SHROOM3: variants seen among roughly 807,000 people sequenced by gnomAD.
SHROOM3 encodes shroom family member 3.
A neutral mutation model predicts 138.6 loss-of-function variants in SHROOM3; 47 were observed. The observed-to-expected ratio is 0.34, with a 90% confidence interval of 0.27 to 0.43. The LOEUF (loss-of-function observed/expected upper bound fraction) is 0.43. SHROOM3 is among the 20% of genes least tolerant of loss of function. The probability of loss-of-function intolerance (pLI) is 1.00; values close to 1 mark genes in which losing one functional copy is unlikely to be tolerated. For missense variants in SHROOM3, 2,491 were observed against 2,596.5 expected (o/e 0.96, Z 0.88); for synonymous variants, 1,062 against 1,063.3 (o/e 1.00, Z 0.02).
At chr4:76,622,068 C>T (rs1428122958) in intron 2 of SHROOM3, among the ~76,000 whole-genome samples, 1 of 151,978 alleles carries the variant, frequency 6.6e-6, no homozygotes, top group Admixed American at 6.5e-5. Flanking sequence ...TTACCTCAGG[C>T]GATCCACCCA....
At chr4:76,565,520 T>TCTTA in intron 2 of SHROOM3, among the ~76,000 whole-genome samples, 1 of 152,334 alleles carries the variant, frequency 6.6e-6, no homozygotes, top group South Asian at 2.1e-4. Context: ...TGAGACAAGA[T>TCTTA]CTTACTCTGT....
At chr4:76,689,383 C>CCGAGCCAGCGCCGAGCCA (rs1560591900) in intron 2 of SHROOM3, among the ~76,000 whole-genome samples, 1 of 150,680 alleles carries the variant, frequency 6.6e-6, no homozygotes, top group African/African-American at 2.4e-5. Context: ...CGAGCCAGCG[C>CCGAGCCAGCGCCGAGCCA]GGCCCCTCGG....
chr4:76,527,989 A>G (rs1732735359), intron 1 of SHROOM3, among the ~76,000 whole-genome samples: 2 of 152,310 alleles, frequency 1.3e-5, no homozygotes, highest in East Asian at 1.9e-4. Flanking sequence ...CAACAACTGC[A>G]ATGCCTACTA....
At position 76,770,706 on chromosome 4, in the gene SHROOM3, C is replaced by T; in HGVS notation, c.5430C>T (p.Leu1810=). Residue 1810 remains leucine (L), a synonymous_variant, in exon 10 of 11, where the codon CTC becomes CTT. Transcript: ENST00000296043. The stretch of plus-strand genomic sequence containing the variant: ...GGAGCCTGCTCACGGACATCAAGCT[C>T]AACAACGCCCTGGGAGAAGAGGTGG... ...AKGSLLTDIK[L]NNALGEEVEA... 1 of 1,614,174 alleles carries T rather than the reference C, an allele frequency of 6.2e-7. No individual in the cohort carries two copies. The highest frequency in any genetic ancestry group is 8.5e-7 in the Non-Finnish European group (1 of 1,180,036).
chr4:76,473,633 C>T lies in SHROOM3; in HGVS notation c.168+37413C>T, dbSNP rs541452966. Among the ~76,000 whole-genome samples, 55 of 152,094 alleles carry T rather than the reference C, an allele frequency of 3.6e-4. 2 individuals carry two copies. In the South Asian group the frequency reaches 8.9e-3, roughly 25 times the overall value. ...CAAAAAAAGAAAAAAAAGAAGACAACCCCATTTTAAAATGGGCAAGAGGTT... is the reference window on the plus strand; with the variant it reads ...CAAAAAAAGAAAAAAAAGAAGACAATCCCATTTTAAAATGGGCAAGAGGTT... On this transcript the variant is annotated intron_variant, in intron 1 of 10. Coordinates refer to ENST00000296043, the MANE Select transcript of SHROOM3 (RefSeq NM_020859.4).
chr4:76,593,957 G>C (rs1245305915), intron 2 of SHROOM3, among the ~76,000 whole-genome samples: 1 of 152,210 alleles, frequency 6.6e-6, no homozygotes, highest in Non-Finnish European at 1.5e-5. Flanking sequence ...GTTATGATCA[G>C]TGGGCAGAGT....
At position 76,756,649 on chromosome 4, in the gene SHROOM3, C is replaced by T; in HGVS notation, c.4910C>T (p.Thr1637Ile). Residue 1637 changes from threonine to isoleucine, a missense_variant, in exon 8 of 11, where the codon ACT becomes ATT. This residue lies in a region of SHROOM3 where 470 missense variants were observed against 595.0 expected (regional missense o/e 0.79). Coordinates refer to ENST00000296043, the MANE Select transcript of SHROOM3 (RefSeq NM_020859.4). ...GGTGGGCAGCCAGCACCCATCCAGA[C>T]TCAAAGCCTCAGCCATGATCCAGTC... ...SLGGQPAPIQTQSLSHDPVSG... is the reference protein window; with the variant it reads ...SLGGQPAPIQIQSLSHDPVSG... 1.9e-6 allele frequency: 3 copies of T among 1,614,012 alleles called. No homozygotes were observed. The highest frequency in any genetic ancestry group is 2.5e-6 in the Non-Finnish European group (3 of 1,180,000).
chr4:76,453,602 G>T (rs1730971225), intron 1 of SHROOM3, among the ~76,000 whole-genome samples: 1 of 152,092 alleles, frequency 6.6e-6, no homozygotes, highest in Non-Finnish European at 1.5e-5. Flanking sequence ...CTCATTTTGT[G>T]ATTTTGACTT....
chr4:76,531,925 T>A (rs964375948), intron 1 of SHROOM3, among the ~76,000 whole-genome samples: 1 of 137,160 alleles, frequency 7.3e-6, no homozygotes, highest in African/African-American at 2.8e-5. Context: ...TTTTTTTTTA[T>A]ACTTTAAGTT....
intron 6 of SHROOM3, among the ~76,000 whole-genome samples, chr4:76,751,681 A>G (rs1161620431): frequency 3.9e-5 from 6 of 152,250 alleles, no homozygotes; most frequent in African/African-American, 1.4e-4. Flanking sequence ...TTATCCAAAG[A>G]TGGCAGACAC....
At chr4:76,564,957 C>T (rs1298240569) in intron 2 of SHROOM3, among the ~76,000 whole-genome samples, 4 of 151,634 alleles carry the variant, frequency 2.6e-5, no homozygotes, top group Non-Finnish European at 4.4e-5. Flanking sequence ...GTCAGGAGTT[C>T]GAGACCAGCC....
rs915810901 is a variant in SHROOM3, at chr4:76,749,065, T to C, written c.3802T>C (p.Cys1268Arg). The change falls in exon 6 of 11, where the codon TGT becomes CGT. Residue 1268 changes from cysteine to arginine, a missense_variant. By Grantham distance (180) the Cys-to-Arg change is radical. Transcript: ENST00000296043. ...TGGCTTTGGTCTTGTGAAGGATCCA[T>C]GTTATTTGGCTGGTCCTGGATCTAG... ...DSGFGLVKDPCYLAGPGSRSL... is the reference protein window; with the variant it reads ...DSGFGLVKDPRYLAGPGSRSL... 5 of 1,613,952 alleles carry C rather than the reference T, an allele frequency of 3.1e-6. No homozygotes were observed. Among genetic ancestry groups the C allele is most frequent in the Non-Finnish European group, 2.5e-6 (3 of 1,179,952 alleles).
chr4:76,658,607 G>A (rs1243265317), intron 2 of SHROOM3, among the ~76,000 whole-genome samples: 1 of 152,064 alleles, frequency 6.6e-6, no homozygotes, highest in Non-Finnish European at 1.5e-5. Context: ...ATAATAGTGT[G>A]GTAAATGTTA....
At chr4:76,598,274 C>T (rs1371517156) in intron 2 of SHROOM3, among the ~76,000 whole-genome samples, 4 of 152,116 alleles carry the variant, frequency 2.6e-5, no homozygotes, top group Admixed American at 2.0e-4. Context: ...GATCAGCCCA[C>T]CTCGGCCTCC....
intron 3 of SHROOM3, among the ~76,000 whole-genome samples, chr4:76,711,903 G>A (rs1479461595): frequency 1.3e-5 from 2 of 152,168 alleles, no homozygotes; most frequent in African/African-American, 4.8e-5. Context: ...CAACTGGCTG[G>A]TGTCTGAGAG....
chr4:76,506,052 G>C (rs548526487), intron 1 of SHROOM3, among the ~76,000 whole-genome samples: 2 of 152,244 alleles, frequency 1.3e-5, no homozygotes, highest in Admixed American at 6.5e-5. Flanking sequence ...CCATAAAAAA[G>C]GATGAGTTCA....
intron 1 of SHROOM3, among the ~76,000 whole-genome samples, chr4:76,548,538 T>C (rs1163706868): frequency 6.6e-6 from 1 of 152,234 alleles, no homozygotes; most frequent in African/African-American, 2.4e-5. Flanking sequence ...TGCCTACACC[T>C]GTATTTTTGA....
At chr4:76,744,753 G>C (rs1457782976) in intron 5 of SHROOM3, among the ~76,000 whole-genome samples, 1 of 152,218 alleles carries the variant, frequency 6.6e-6, no homozygotes, top group Non-Finnish European at 1.5e-5. Context: ...GTGTGTTTCT[G>C]CTGCTGGCTT....
intron 2 of SHROOM3, chr4:76,637,673 C>A (rs1735537632): frequency 6.6e-6 from 1 of 152,128 alleles, no homozygotes; most frequent in Admixed American, 6.5e-5. Flanking sequence ...AGAATTCTAC[C>A]CAGAATGGCA....
Sources: gnomAD v4.1 joint callset for allele counts (sites outside exome capture counted in the v4.1 genomes callset) on GRCh38, gnomAD v4.1.1 for gene constraint, gnomAD v4.1.1 regional missense constraint, MANE v1.5 for transcripts, NCBI Gene and HGNC (gene_info 2026-07-23, HGNC 2026-07-21) for gene names.